Variants in MED13 observed in about 807,000 individuals in gnomAD.
MED13 encodes mediator complex subunit 13.
Under a neutral mutation model 225.2 loss-of-function variants are expected in MED13, and 23 were observed. The observed-to-expected ratio is 0.10, with a 90% CI of 0.07 to 0.14. MED13 has a LOEUF of 0.14. Among genes scored for constraint, MED13 ranks in the 10% least tolerant of loss-of-function variants. The pLI is 1.00. For synonymous variants in MED13, 942 were observed against 889.2 expected, an observed-to-expected ratio of 1.06 and a Z score of -1.06; for missense variants, 2,197 against 2,594.5, an observed-to-expected ratio of 0.85 and a Z score of 3.33.
intron 8 of MED13, among the ~76,000 whole-genome samples, chr17:62,027,114 G>T (rs2080710065): frequency 6.6e-6 from 1 of 152,154 alleles, no homozygotes; most frequent in Admixed American, 6.6e-5. Flanking sequence ...TTCAAAAAGA[G>T]CCCAAATAGC....
At chr17:61,984,398 T>A (rs2080230878) in intron 14 of MED13, 31 bp from the exon 15 acceptor site, 1 of 1,460,032 alleles carries the variant, frequency 6.8e-7, no homozygotes. Flanking sequence ...GTTTTCAGTA[T>A]CTTATCTTCT....
At chr17:61,949,371 A>G (rs1192895646) in intron 28 of MED13, among the ~76,000 whole-genome samples, 3 of 152,110 alleles carry the variant, frequency 2.0e-5, no homozygotes, top group South Asian at 2.1e-4. Flanking sequence ...TTAGGACTAT[A>G]GGCACATGCC....
At chr17:62,044,756 G>A (rs1000942798) in intron 3 of MED13, among the ~76,000 whole-genome samples, 8 of 152,164 alleles carry the variant, frequency 5.3e-5, no homozygotes, top group South Asian at 2.1e-4. Flanking sequence ...TCCACCTCCC[G>A]GGTTAAGTGA....
intron 3 of MED13, among the ~76,000 whole-genome samples, chr17:62,041,564 G>A (rs923528798): frequency 5.9e-5 from 9 of 152,014 alleles, no homozygotes; most frequent in African/African-American, 2.2e-4. Context: ...ACAATAAAAA[G>A]AAACTGTAGT....
rs116250328 is a variant in MED13 at position 62,021,797 on chromosome 17, G to A, written c.1283+7744C>T. 7.5e-3 allele frequency among the ~76,000 whole-genome samples: 1,134 copies of A among 152,080 alleles called. 10 individuals are homozygous for A. Among genetic ancestry groups the A allele is most frequent in the African/African-American group, 0.018 (740 of 41,474 alleles). On this transcript the variant is annotated intron_variant, in intron 8 of 29. Coordinates refer to ENST00000397786, the MANE Select transcript of MED13 (RefSeq NM_005121.3). ...TCACACGTACTTAAATAGCCCTCTCGCCTACAACTCTTTATCACATCACCC... is the reference window on the plus strand; with the variant it reads ...TCACACGTACTTAAATAGCCCTCTCACCTACAACTCTTTATCACATCACCC...
intron 6 of MED13, 126 bp downstream of exon 6, chr17:62,031,318 T>C (rs1013415201): frequency 2.5e-6 from 2 of 799,196 alleles, no homozygotes; most frequent in South Asian, 2.3e-5. Context: ...GCTAAGGAAA[T>C]TACTTGTACT....
intron 16 of MED13, among the ~76,000 whole-genome samples, chr17:61,981,024 A>AC (rs2080199642): frequency 2.1e-5 from 3 of 144,678 alleles, no homozygotes; most frequent in African/African-American, 7.6e-5. Flanking sequence ...GCACCCAGCC[A>AC]TTTTTTTTTT....
intron 14 of MED13, 118 bp from the exon 15 acceptor site, chr17:61,984,485 T>C: frequency 3.1e-6 from 3 of 960,250 alleles, no homozygotes; most frequent in Non-Finnish European, 4.5e-6. Flanking sequence ...CTAAATACAA[T>C]TCTATTATTT....
intron 16 of MED13, 134 bp downstream of exon 16, chr17:61,982,064 C>T (rs1464992020): frequency 5.3e-6 from 4 of 757,048 alleles, no homozygotes; most frequent in Non-Finnish European, 2.1e-6. Flanking sequence ...CCTTTAAAAA[C>T]ATCATCCATA....
chr17:62,062,600 C>CCACACACACACACACACACACCA (rs2081048711), intron 2 of MED13, among the ~76,000 whole-genome samples: 1 of 136,200 alleles, frequency 7.3e-6, no homozygotes, highest in Non-Finnish European at 1.5e-5. Context: ...CACACACACA[C>CCACACACACACACACACACACCA]CACACACACA....
intron 3 of MED13, among the ~76,000 whole-genome samples, chr17:62,039,076 A>G (rs2080830513): frequency 6.6e-6 from 1 of 152,234 alleles, no homozygotes; most frequent in African/African-American, 2.4e-5. Flanking sequence ...ATTCCAAAGT[A>G]CAAAACATGT....
intron 17 of MED13, among the ~76,000 whole-genome samples, chr17:61,970,964 G>A (rs1399715246): frequency 1.3e-5 from 2 of 151,832 alleles, no homozygotes; most frequent in Non-Finnish European, 2.9e-5. Flanking sequence ...GGTTATGGCT[G>A]CAGTGAGCCA....
At position 61,965,295 on chromosome 17, in the gene MED13, C is replaced by T; in HGVS notation, c.4555G>A (p.Gly1519Ser). The T allele has an allele frequency of 6.2e-7, 1 of 1,614,186 alleles. No individual in the cohort carries two copies. The highest frequency in any genetic ancestry group is 8.5e-7 in the Non-Finnish European group (1 of 1,180,026). ...GCAACTGAAGTAGATATGGCAACAC[C>T]TGAAGTCACTGTCATAGTGCTGCTC... ...AASSTMTVTS[G>S]VAISTSVATA... The change falls in exon 20 of 30, where the codon GGT (glycine) becomes AGT (serine). Residue 1519 changes from glycine (G) to serine (S), a missense_variant. Coordinates refer to ENST00000397786, the MANE Select transcript of MED13 (RefSeq NM_005121.3).
intron 3 of MED13, among the ~76,000 whole-genome samples, chr17:62,037,323 A>G (rs1166765781): frequency 6.6e-6 from 1 of 152,040 alleles, no homozygotes; most frequent in Non-Finnish European, 1.5e-5. Flanking sequence ...TAAAAATAAT[A>G]TAACTAAAAC....
chr17:62,014,996 G>C (rs35841074), intron 8 of MED13, among the ~76,000 whole-genome samples: 1 of 151,992 alleles, frequency 6.6e-6, no homozygotes, highest in Non-Finnish European at 1.5e-5. Flanking sequence ...CAAGTAAAAC[G>C]AAAAATCCAG....
At chr17:61,971,730 T>C (rs1329787407) in intron 17 of MED13, among the ~76,000 whole-genome samples, 1 of 152,102 alleles carries the variant, frequency 6.6e-6, no homozygotes, top group Admixed American at 6.5e-5. Flanking sequence ...GGCCAGGAGT[T>C]TGAAACCAGC....
chr17:61,959,999 T>C (rs1341145821), intron 23 of MED13, among the ~76,000 whole-genome samples: 1 of 152,082 alleles, frequency 6.6e-6, no homozygotes, highest in African/African-American at 2.4e-5. Flanking sequence ...AGTGCTGGGA[T>C]TACAAGCAGG....
intron 3 of MED13, among the ~76,000 whole-genome samples, chr17:62,048,674 A>G (rs2080925387): frequency 6.6e-6 from 1 of 152,148 alleles, no homozygotes; most frequent in Admixed American, 6.6e-5. Context: ...CTGGCAGCCC[A>G]GCTTATACCC....
intron 9 of MED13, chr17:62,006,389 T>G (rs1401392789): frequency 6.6e-6 from 1 of 152,056 alleles, no homozygotes; most frequent in Non-Finnish European, 1.5e-5. Context: ...AAGATTCCTT[T>G]TTAAGGAAAA....
Sources: gnomAD v4.1 joint callset for allele counts (sites outside exome capture counted in the v4.1 genomes callset) on GRCh38, gnomAD v4.1.1 for gene constraint, MANE v1.5 for transcripts, NCBI Gene and HGNC (gene_info 2026-07-23, HGNC 2026-07-21) for gene names.